The following DMRT1 variants were observed in gnomAD, a reference collection of about 807,000 sequenced individuals.
The protein encoded by DMRT1 is doublesex- and mab-3-related transcription factor 1.
DMRT1 carries 7 observed loss-of-function variants against 32.3 expected under a neutral mutation model. The observed-to-expected ratio is 0.22, with a 90% CI of 0.12 to 0.41. The LOEUF is 0.41. Ranked by LOEUF, DMRT1 falls within the 10% of genes least tolerant of loss-of-function variation. The pLI is 1.00. For synonymous variants in DMRT1, 278 were observed against 206.1 expected, an observed-to-expected ratio of 1.35 and a Z score of -2.99; for missense variants, 625 against 500.5, an observed-to-expected ratio of 1.25 and a Z score of -2.37.
intron 2 of DMRT1, among the ~76,000 whole-genome samples, chr9:863,062 C>T (rs576664837): frequency 2.0e-5 from 3 of 150,868 alleles, no homozygotes; most frequent in Non-Finnish European, 4.4e-5. Context: ...TGCCTCTCAT[C>T]CCAGCATTCT....
chr9:931,603 G>C (rs1056673767), intron 4 of DMRT1, among the ~76,000 whole-genome samples: 1 of 152,178 alleles, frequency 6.6e-6, no homozygotes, highest in Non-Finnish European at 1.5e-5. Context: ...TTCCGGTAAG[G>C]CTTCTCTCCT....
rs147537084 is a variant in DMRT1 at position 864,562 on chromosome 9, G to A, written c.538+17419G>A. Among the ~76,000 whole-genome samples, 57 of 147,258 alleles carry A rather than the reference G, an allele frequency of 3.9e-4. No individual in the cohort carries two copies. The East Asian group carries it at 9.3e-3, about 24-fold the overall frequency. ...CGCCCAGGCTGGAGTGCAGTGGTGC[G>A]ATCTCGGCTCACTGCAAGCTCTGTG... On this transcript the variant is annotated intron_variant, in intron 2 of 4. Transcript: ENST00000382276.
At chr9:927,355 C>T (rs577389105) in intron 4 of DMRT1, among the ~76,000 whole-genome samples, 116 of 152,322 alleles carry the variant, frequency 7.6e-4, no homozygotes, top group Admixed American at 2.0e-3. Context: ...AAGTGTTCTT[C>T]ATAAAAACCA....
At chr9:897,360 C>G (rs1485089127) in intron 3 of DMRT1, among the ~76,000 whole-genome samples, 1 of 151,794 alleles carries the variant, frequency 6.6e-6, no homozygotes, top group African/African-American at 2.4e-5. Context: ...TCGTGATCCA[C>G]CAGCCTCGGG....
intron 3 of DMRT1, chr9:894,605 G>T: frequency 3.3e-6 from 1 of 304,744 alleles, no homozygotes; most frequent in East Asian, 8.5e-5. Flanking sequence ...GGGCACCTTA[G>T]AAAATGCTGG....
intron 4 of DMRT1, among the ~76,000 whole-genome samples, chr9:918,525 G>A (rs1310435742): frequency 6.6e-6 from 1 of 152,174 alleles, no homozygotes; most frequent in Non-Finnish European, 1.5e-5. Context: ...TACAGTCCAG[G>A]AAAGAAAAAG....
At chr9:891,075 C>T (rs1817129771) in intron 2 of DMRT1, among the ~76,000 whole-genome samples, 1 of 151,850 alleles carries the variant, frequency 6.6e-6, no homozygotes, top group African/African-American at 2.4e-5. Context: ...TGTAGTGGCT[C>T]ATGCCTGTAA....
chr9:905,856 A>G (rs773089659), intron 3 of DMRT1, among the ~76,000 whole-genome samples: 131 of 152,266 alleles, frequency 8.6e-4, no homozygotes, highest in Non-Finnish European at 1.1e-3. Context: ...CACGGCTGGA[A>G]ACGGGGAAGC....
At chr9:859,608 A>G (rs1038009589) in intron 2 of DMRT1, among the ~76,000 whole-genome samples, 1 of 152,198 alleles carries the variant, frequency 6.6e-6, no homozygotes, top group East Asian at 1.9e-4. Flanking sequence ...GTCTCCTATG[A>G]AAATTCACAT....
intron 2 of DMRT1, among the ~76,000 whole-genome samples, chr9:890,083 G>GGGTTTTTTT (rs1273507545): frequency 7.4e-4 from 81 of 108,872 alleles, no homozygotes; most frequent in South Asian, 1.4e-3. Flanking sequence ...GCCACCAAAC[G>GGGTTTTTTT]TGTTTTTTTT....
At chr9:874,689 C>T (rs544012637) in intron 2 of DMRT1, among the ~76,000 whole-genome samples, 12 of 152,068 alleles carry the variant, frequency 7.9e-5, no homozygotes, top group South Asian at 4.2e-4. Flanking sequence ...TATGCATCCT[C>T]TCTGTGGACA....
intron 4 of DMRT1, among the ~76,000 whole-genome samples, chr9:930,379 T>A (rs1248148524): frequency 6.6e-6 from 1 of 152,048 alleles, no homozygotes; most frequent in Non-Finnish European, 1.5e-5. Flanking sequence ...ACTACAGGTG[T>A]GCACCACCAC....
intron 4 of DMRT1, among the ~76,000 whole-genome samples, chr9:935,948 C>T (rs929220008): frequency 1.3e-5 from 2 of 152,200 alleles, no homozygotes; most frequent in African/African-American, 2.4e-5. Context: ...CACCTATCCC[C>T]ACCCTCCCAT....
chr9:877,969 C>A (rs1816572587), intron 2 of DMRT1, among the ~76,000 whole-genome samples: 1 of 152,148 alleles, frequency 6.6e-6, no homozygotes, highest in Non-Finnish European at 1.5e-5. Flanking sequence ...GTCAGAAAAG[C>A]TTCCTTCACA....
chr9:863,288 A>G lies in DMRT1; in HGVS notation c.538+16145A>G, dbSNP rs545549268. ...AACAGTGATCATGCCACTGCATTTCAGCCTGGGTGACAGAGTGAGGCCACG... is the reference window on the plus strand; with the variant it reads ...AACAGTGATCATGCCACTGCATTTCGGCCTGGGTGACAGAGTGAGGCCACG... On this transcript the variant is annotated intron_variant, in intron 2 of 4. Transcript: ENST00000382276. 2.0e-3 allele frequency among the ~76,000 whole-genome samples: 300 copies of G among 149,468 alleles called. 1 individual carries two copies. The highest frequency in any genetic ancestry group is 7.1e-3 in the African/African-American group (286 of 40,560).
At chr9:855,807 G>A (rs1815375179) in intron 2 of DMRT1, among the ~76,000 whole-genome samples, 1 of 152,126 alleles carries the variant, frequency 6.6e-6, no homozygotes, top group Admixed American at 6.5e-5. Flanking sequence ...TTATAGAGAT[G>A]GGGATCTCGC....
intron 2 of DMRT1, among the ~76,000 whole-genome samples, chr9:886,561 G>C (rs1329927657): frequency 6.6e-6 from 1 of 151,984 alleles, no homozygotes. Flanking sequence ...CGGCCAAACT[G>C]TCACTTCTTA....
intron 3 of DMRT1, among the ~76,000 whole-genome samples, chr9:916,166 A>T (rs1818173974): frequency 6.6e-6 from 1 of 152,200 alleles, no homozygotes; most frequent in African/African-American, 2.4e-5. Context: ...TTAGTGTTAC[A>T]GCAGATTGTG....
At chr9:922,168 C>T (rs947247451) in intron 4 of DMRT1, among the ~76,000 whole-genome samples, 7 of 152,150 alleles carry the variant, frequency 4.6e-5, no homozygotes, top group African/African-American at 1.7e-4. Context: ...TGTGAGCCAT[C>T]TTACCTGGCC....
Sources: gnomAD v4.1 joint callset for allele counts (sites outside exome capture counted in the v4.1 genomes callset) on GRCh38, gnomAD v4.1.1 for gene constraint, MANE v1.5 for transcripts, NCBI Gene and HGNC (gene_info 2026-07-23, HGNC 2026-07-21) for gene names.